Variants in GCNT1 observed in about 807,000 individuals in gnomAD.
GCNT1 encodes beta-1,3-galactosyl-O-glycosyl-glycoprotein beta-1,6-N-acetylglucosaminyltransferase.
In GCNT1, 16 loss-of-function variants were observed where a neutral mutation model predicts 26.2. The observed-to-expected ratio is 0.61, with a 90% CI of 0.41 to 0.93. GCNT1 has a LOEUF of 0.93. Among genes scored for constraint, GCNT1 ranks in the 40% least tolerant of loss-of-function variants. GCNT1 has a pLI of 0.00. For synonymous variants in GCNT1, 183 were observed against 190.8 expected (o/e 0.96, Z 0.34); for missense variants, 477 against 526.7 (o/e 0.91, Z 0.92).
At chr9:76,415,958 G>A (rs903324716), upstream of GCNT1, among the ~76,000 whole-genome samples, 3 of 152,070 alleles carry the variant, frequency 2.0e-5, no homozygotes, top group Non-Finnish European at 1.5e-5. Context: ...AACTATTATT[G>A]ATATGGACAG....
upstream of GCNT1, among the ~76,000 whole-genome samples, chr9:76,415,471 A>G (rs1418814702): frequency 2.0e-5 from 3 of 152,182 alleles, no homozygotes; most frequent in Non-Finnish European, 2.9e-5. Flanking sequence ...TCAGAGTCCT[A>G]TGCATACATA....
At chr9:76,497,896 G>A (rs1322679127) in intron 2 of GCNT1, among the ~76,000 whole-genome samples, 1 of 149,128 alleles carries the variant, frequency 6.7e-6, no homozygotes, top group Non-Finnish European at 1.5e-5. Context: ...CCCTTTTAAA[G>A]TAAACAATAT....
At chr9:76,492,301 C>T (rs1166984103) in intron 2 of GCNT1, among the ~76,000 whole-genome samples, 1 of 152,074 alleles carries the variant, frequency 6.6e-6, no homozygotes, top group Non-Finnish European at 1.5e-5. Context: ...ATAATATGTC[C>T]CTCCCTAATA....
At chr9:76,482,676 GCT>G (rs1824453702) in intron 2 of GCNT1, among the ~76,000 whole-genome samples, 2 of 151,982 alleles carry the variant, frequency 1.3e-5, no homozygotes, top group South Asian at 4.2e-4. Context: ...ACAGGGTCTT[GCT>G]CTCTTACCCA....
chr9:76,404,418 T>G, the GCNT1 span, among the ~76,000 whole-genome samples: 1 of 152,154 alleles, frequency 6.6e-6, no homozygotes, highest in African/African-American at 2.4e-5. Flanking sequence ...TGGTATAGAT[T>G]GGAAAATTAT....
At chr9:76,431,040 T>C (rs1218118952) in intron 1 of GCNT1, among the ~76,000 whole-genome samples, 2 of 152,122 alleles carry the variant, frequency 1.3e-5, no homozygotes, top group Non-Finnish European at 2.9e-5. Context: ...TGAAAGAATA[T>C]ATATTGGAGT....
chr9:76,427,165 A>C (rs1445224937), intron 1 of GCNT1, among the ~76,000 whole-genome samples: 1 of 151,480 alleles, frequency 6.6e-6, no homozygotes, highest in Non-Finnish European at 1.5e-5. Context: ...CGATAAGGAG[A>C]GAGTCCTCAG....
At chr9:76,394,190 A>G in the GCNT1 span, 1 of 1,580,966 alleles carries the variant, frequency 6.3e-7, no homozygotes, top group African/African-American at 1.3e-5. Flanking sequence ...CCGCTCGGGG[A>G]ATGGGCTGCG....
chr9:76,418,754 C>G (rs1005161817), upstream of GCNT1, among the ~76,000 whole-genome samples: 1 of 152,058 alleles, frequency 6.6e-6, no homozygotes, highest in African/African-American at 2.4e-5. Context: ...ATGAATGAAC[C>G]TGGGAGACAG....
chr9:76,488,465 T>G (rs779848132), intron 2 of GCNT1, among the ~76,000 whole-genome samples: 53 of 152,312 alleles, frequency 3.5e-4, no homozygotes, highest in Admixed American at 1.4e-3. Context: ...GTTTCTCACT[T>G]TATCTTCCAA....
chr9:76,416,732 GA>G (rs1347547698), upstream of GCNT1, among the ~76,000 whole-genome samples: 1 of 152,234 alleles, frequency 6.6e-6, no homozygotes, highest in African/African-American at 2.4e-5. Flanking sequence ...TGAATAAGAT[GA>G]AAAAGCTTTT....
At chr9:76,447,483 G>A (rs1004999251) in intron 1 of GCNT1, among the ~76,000 whole-genome samples, 5 of 152,048 alleles carry the variant, frequency 3.3e-5, no homozygotes, top group Admixed American at 1.3e-4. Flanking sequence ...GGGCTTAAGC[G>A]ATCGGGCTGC....
intron 2 of GCNT1, among the ~76,000 whole-genome samples, chr9:76,494,795 C>T (rs1368711284): frequency 6.6e-6 from 1 of 152,162 alleles, no homozygotes; most frequent in Non-Finnish European, 1.5e-5. Context: ...GGGCGAGTCT[C>T]ACTTGGGTGA....
upstream of GCNT1, among the ~76,000 whole-genome samples, chr9:76,437,177 T>C (rs1277591178): frequency 6.6e-6 from 1 of 152,014 alleles, no homozygotes; most frequent in Non-Finnish European, 1.5e-5. Flanking sequence ...GTCAGAAACA[T>C]GTGAACAAGA....
chr9:76,451,576 CCATT>C (rs1472021046), intron 1 of GCNT1, among the ~76,000 whole-genome samples: 1 of 151,942 alleles, frequency 6.6e-6, no homozygotes, highest in Non-Finnish European at 1.5e-5. Context: ...GGAATGCCTA[CCATT>C]AAAAAGATAA....
intron 2 of GCNT1, among the ~76,000 whole-genome samples, chr9:76,465,642 A>T (rs1823977689): frequency 6.6e-6 from 1 of 152,202 alleles, no homozygotes; most frequent in African/African-American, 2.4e-5. Flanking sequence ...CTGTGCAATC[A>T]TGTGGCCACC....
the GCNT1 span, among the ~76,000 whole-genome samples, chr9:76,396,984 A>T: frequency 6.6e-6 from 1 of 150,886 alleles, no homozygotes; most frequent in African/African-American, 2.4e-5. Flanking sequence ...AGACACGGTC[A>T]CTAAAAAAAT....
chr9:76,474,341 GA>G, intron 2 of GCNT1, among the ~76,000 whole-genome samples: 1 of 152,174 alleles, frequency 6.6e-6, no homozygotes, highest in Non-Finnish European at 1.5e-5. Flanking sequence ...AAGAGGCACA[GA>G]AACTTACAAG....
Position 76,507,033 on chromosome 9 carries a change from A to C in GCNT1, c.*3365A>C, listed in dbSNP as rs1587464551. On this transcript the variant is annotated 3_prime_UTR_variant, in exon 4 of 4. Coordinates refer to ENST00000376730, the MANE Select transcript of GCNT1 (RefSeq NM_001490.5). ...TATCTCTTACCTGAAATCATAACTT[A>C]GCCAAGCCTACCTTAAATGTTCTCA... 6.0e-6 allele frequency: 1 copy of C among 167,208 alleles called. No individual in the cohort carries two copies. The highest frequency in any genetic ancestry group is 1.9e-4 in the East Asian group (1 of 5,198). 10.4% of individuals were successfully genotyped at this position (167,208 alleles called of 1,614,324 possible).
Sources: gnomAD v4.1 joint callset for allele counts (sites outside exome capture counted in the v4.1 genomes callset) on GRCh38, gnomAD v4.1.1 for gene constraint, MANE v1.5 for transcripts, NCBI Gene and HGNC (gene_info 2026-07-23, HGNC 2026-07-21) for gene names.